The following PLPPR1 variants were observed in gnomAD, a reference collection of about 807,000 sequenced individuals.
PLPPR1 encodes the protein phospholipid phosphatase related 1.
In PLPPR1, 10 loss-of-function variants were observed where a neutral mutation model predicts 33.1. That is an observed-to-expected ratio of 0.30 (90% CI 0.19 to 0.51). PLPPR1 has a LOEUF of 0.51. Ranked by LOEUF, PLPPR1 falls within the 20% of genes least tolerant of loss-of-function variation. The pLI, the probability that PLPPR1 is intolerant of heterozygous loss-of-function variation, is 0.97. For synonymous variants in PLPPR1, 151 were observed against 151.0 expected, an observed-to-expected ratio of 1.00 and a Z score of 0.00; for missense variants, 304 against 408.1, an observed-to-expected ratio of 0.74 and a Z score of 2.20.
chr9:101,309,062 G>C, intron 4 of PLPPR1, 149 bp from the exon 5 acceptor site: 2 of 733,050 alleles, frequency 2.7e-6, no homozygotes, highest in Non-Finnish European at 4.6e-6. Flanking sequence ...GATTTGGGAA[G>C]CAGGTACCAC....
intron 1 of PLPPR1, among the ~76,000 whole-genome samples, chr9:101,075,694 T>C (rs1370214999): frequency 6.6e-6 from 1 of 152,234 alleles, no homozygotes; most frequent in African/African-American, 2.4e-5. Context: ...CCAGAGGAAT[T>C]CCTTGCCTAC....
rs529626978 is a variant in PLPPR1, at chr9:101,242,240, C to CT, written c.64-27625dup. On this transcript the variant is annotated intron_variant, in intron 2 of 7. Coordinates refer to ENST00000374874, the MANE Select transcript of PLPPR1 (RefSeq NM_207299.2). ...AGAGACCAAGGGAGGAGCTGGAATT[C>CT]TTTTTTTTTTTTTTTCTCTGATATA... Among the ~76,000 whole-genome samples, 549 of 138,084 alleles carry CT rather than the reference C, an allele frequency of 4.0e-3. 1 individual carries two copies. Among genetic ancestry groups the CT allele is most frequent in the South Asian group, 0.024 (100 of 4,192 alleles). The allele number at this position is 138,084 out of a possible 152,430, so 90.6% of individuals were successfully genotyped here.
At chr9:101,237,342 A>G (rs1827322347) in intron 2 of PLPPR1, among the ~76,000 whole-genome samples, 1 of 151,536 alleles carries the variant, frequency 6.6e-6, no homozygotes, top group Non-Finnish European at 1.5e-5. Flanking sequence ...AGGAAAATAA[A>G]TCATCACATA....
chr9:101,056,334 A>G (rs1334923228), intron 1 of PLPPR1, among the ~76,000 whole-genome samples: 1 of 152,226 alleles, frequency 6.6e-6, no homozygotes, highest in Non-Finnish European at 1.5e-5. Flanking sequence ...CTAGTAAGTT[A>G]CAGTGATAGA....
At chr9:101,129,515 C>A (rs1208511465) in intron 1 of PLPPR1, among the ~76,000 whole-genome samples, 1 of 152,088 alleles carries the variant, frequency 6.6e-6, no homozygotes, top group African/African-American at 2.4e-5. Flanking sequence ...GGTATATCCA[C>A]ACACTCAGCA....
At chr9:101,209,215 A>C (rs1277102613) in intron 2 of PLPPR1, among the ~76,000 whole-genome samples, 1 of 152,168 alleles carries the variant, frequency 6.6e-6, no homozygotes, top group African/African-American at 2.4e-5. Context: ...ATATTTGAGA[A>C]TGTGTGTGTT....
intron 1 of PLPPR1, among the ~76,000 whole-genome samples, chr9:101,137,153 G>A (rs1428664997): frequency 6.6e-6 from 1 of 152,120 alleles, no homozygotes; most frequent in Non-Finnish European, 1.5e-5. Flanking sequence ...TGAAAAAGAT[G>A]TGCTCTTCAC....
chr9:101,258,723 C>G (rs1451268106), intron 2 of PLPPR1, among the ~76,000 whole-genome samples: 1 of 152,184 alleles, frequency 6.6e-6, no homozygotes, highest in East Asian at 1.9e-4. Flanking sequence ...TGCCCTTTCC[C>G]TTCTTTGAGG....
chr9:101,227,304 T>G (rs747237371), intron 2 of PLPPR1, among the ~76,000 whole-genome samples: 6 of 152,208 alleles, frequency 3.9e-5, no homozygotes, highest in Non-Finnish European at 5.9e-5. Context: ...TCTGCAACTT[T>G]GCCAGCATCT....
At chr9:101,073,483 T>TAAAA (rs11443685) in intron 1 of PLPPR1, among the ~76,000 whole-genome samples, 2 of 149,614 alleles carry the variant, frequency 1.3e-5, no homozygotes, top group African/African-American at 2.4e-5. Context: ...AATTTTATGC[T>TAAAA]AAAAAAAAAA....
intron 2 of PLPPR1, among the ~76,000 whole-genome samples, chr9:101,266,882 T>C (rs745515066): frequency 3.9e-5 from 6 of 152,210 alleles, no homozygotes; most frequent in Non-Finnish European, 8.8e-5. Context: ...AAAAAGGAAG[T>C]GGTAGCACAA....
intron 1 of PLPPR1, among the ~76,000 whole-genome samples, chr9:101,079,059 G>T (rs1011857508): frequency 6.6e-6 from 1 of 152,032 alleles, no homozygotes; most frequent in African/African-American, 2.4e-5. Flanking sequence ...TAATATGTTG[G>T]TGAGGAAATG....
intron 1 of PLPPR1, among the ~76,000 whole-genome samples, chr9:101,159,355 T>C (rs563820832): frequency 1.3e-5 from 2 of 152,346 alleles, no homozygotes; most frequent in African/African-American, 2.4e-5. Flanking sequence ...TCTGGAAATA[T>C]GTTTCCCTTC....
chr9:101,230,124 TA>T (rs1337727585), intron 2 of PLPPR1, among the ~76,000 whole-genome samples: 2 of 152,042 alleles, frequency 1.3e-5, no homozygotes, highest in Non-Finnish European at 2.9e-5. Flanking sequence ...AAAGGTTTAA[TA>T]AAGAAAAGGA....
At chr9:101,078,812 G>A (rs541990495) in intron 1 of PLPPR1, among the ~76,000 whole-genome samples, 66 of 151,006 alleles carry the variant, frequency 4.4e-4, no homozygotes, top group African/African-American at 1.5e-3. Context: ...ATGTTTCTTA[G>A]TACGAAAAAA....
At chr9:101,033,101 T>C (rs995415168) in intron 1 of PLPPR1, among the ~76,000 whole-genome samples, 1 of 152,210 alleles carries the variant, frequency 6.6e-6, no homozygotes, top group East Asian at 1.9e-4. Context: ...ATCATCTGTG[T>C]TCCAGCCATC....
At chr9:101,300,262 C>T (rs1828728142) in intron 4 of PLPPR1, among the ~76,000 whole-genome samples, 1 of 152,068 alleles carries the variant, frequency 6.6e-6, no homozygotes, top group African/African-American at 2.4e-5. Flanking sequence ...CAGCCTTGAC[C>T]TCCCAGGCTC....
At chr9:101,254,762 T>C (rs914055351) in intron 2 of PLPPR1, among the ~76,000 whole-genome samples, 1 of 152,198 alleles carries the variant, frequency 6.6e-6, no homozygotes, top group African/African-American at 2.4e-5. Flanking sequence ...TTAACAATTA[T>C]GTAATATTCC....
chr9:101,308,562 C>T (rs954329070), intron 4 of PLPPR1, among the ~76,000 whole-genome samples: 1 of 152,162 alleles, frequency 6.6e-6, no homozygotes, highest in African/African-American at 2.4e-5. Flanking sequence ...TGGTCAACAA[C>T]ATTTGTTTTT....
Sources: gnomAD v4.1 joint callset for allele counts (sites outside exome capture counted in the v4.1 genomes callset) on GRCh38, gnomAD v4.1.1 for gene constraint, MANE v1.5 for transcripts, NCBI Gene and HGNC (gene_info 2026-07-23, HGNC 2026-07-21) for gene names.